Variants in SYT9 observed in about 807,000 individuals in gnomAD.
SYT9 encodes the protein synaptotagmin 9, also known as synaptotagmin-9.
In SYT9, 22 loss-of-function variants were observed where a neutral mutation model predicts 48.4. The observed-to-expected ratio is 0.45, with a 90% CI of 0.32 to 0.65. The LOEUF (loss-of-function observed/expected upper bound fraction) is 0.65, where lower values mean the gene tolerates loss of function less well. SYT9 is among the 30% of genes least tolerant of loss of function. SYT9 has a pLI of 0.03. For missense variants in SYT9, 577 were observed against 622.0 expected (o/e 0.93, Z 0.77); for synonymous variants, 265 against 245.0 (o/e 1.08, Z -0.76).
At chr11:7,361,676 A>G (rs1247413946) in intron 3 of SYT9, among the ~76,000 whole-genome samples, 1 of 152,198 alleles carries the variant, frequency 6.6e-6, no homozygotes, top group Non-Finnish European at 1.5e-5. Context: ...TCTGGCAAAT[A>G]TATGCTGGTT....
intron 1 of SYT9, among the ~76,000 whole-genome samples, chr11:7,283,874 G>T (rs549291074): frequency 6.6e-6 from 1 of 152,144 alleles, no homozygotes; most frequent in African/African-American, 2.4e-5. Flanking sequence ...TTGTAATTTT[G>T]TAAAAAAATT....
intron 3 of SYT9, among the ~76,000 whole-genome samples, chr11:7,336,582 T>A (rs1425014492): frequency 4.6e-5 from 7 of 152,194 alleles, no homozygotes; most frequent in African/African-American, 1.7e-4. Context: ...CCCAGCACCA[T>A]TTATTGAATA....
At chr11:7,296,182 A>G (rs1316000058) in intron 1 of SYT9, among the ~76,000 whole-genome samples, 3 of 152,204 alleles carry the variant, frequency 2.0e-5, no homozygotes, top group African/African-American at 7.2e-5. Flanking sequence ...GATAGGTACT[A>G]TTATTATCCC....
chr11:7,248,228 CT>C (rs1847818727), upstream of SYT9, among the ~76,000 whole-genome samples: 1 of 150,716 alleles, frequency 6.6e-6, no homozygotes, highest in Admixed American at 6.6e-5. Context: ...GATATTAGTC[CT>C]TTGTCAGATG....
chr11:7,251,685 G>A (rs1051658878), upstream of SYT9, among the ~76,000 whole-genome samples: 1 of 152,186 alleles, frequency 6.6e-6, no homozygotes, highest in Non-Finnish European at 1.5e-5. Context: ...GTGGAGTAGC[G>A]AAAGCGCCCG....
At chr11:7,337,486 T>C (rs1202142665) in intron 3 of SYT9, among the ~76,000 whole-genome samples, 1 of 152,196 alleles carries the variant, frequency 6.6e-6, no homozygotes, top group African/African-American at 2.4e-5. Flanking sequence ...TTCAGTATTA[T>C]GTTGCCTGTG....
At chr11:7,424,134 G>T (rs964529062) in intron 6 of SYT9, among the ~76,000 whole-genome samples, 2 of 152,174 alleles carry the variant, frequency 1.3e-5, no homozygotes, top group African/African-American at 4.8e-5. Context: ...CCTGCTCAGG[G>T]TTGCATCCAA....
At chr11:7,440,720 T>C (rs1024087575) in intron 6 of SYT9, 2 of 152,214 alleles carry the variant, frequency 1.3e-5, no homozygotes, top group African/African-American at 4.8e-5. Flanking sequence ...CTTACAAGAA[T>C]AGGTTGATAT....
intron 3 of SYT9, among the ~76,000 whole-genome samples, chr11:7,370,709 G>A (rs913355107): frequency 6.6e-6 from 1 of 152,094 alleles, no homozygotes; most frequent in African/African-American, 2.4e-5. Context: ...TGAAGAATAA[G>A]CCTCAAAAAT....
chr11:7,318,459 GC>G (rs1849280084), intron 3 of SYT9, among the ~76,000 whole-genome samples: 1 of 151,896 alleles, frequency 6.6e-6, no homozygotes, highest in Non-Finnish European at 1.5e-5. Context: ...AATTACGGGC[GC>G]CCACTACCAC....
chr11:7,301,514 A>C (rs1451692144), intron 1 of SYT9, among the ~76,000 whole-genome samples: 1 of 152,218 alleles, frequency 6.6e-6, no homozygotes, highest in Non-Finnish European at 1.5e-5. Context: ...GTATGTTGGC[A>C]GTGCTGTGCA....
At chr11:7,431,838 G>A (rs1847579130) in intron 6 of SYT9, among the ~76,000 whole-genome samples, 1 of 152,266 alleles carries the variant, frequency 6.6e-6, no homozygotes, top group Admixed American at 6.5e-5. Context: ...GTGGGTACCA[G>A]AGTGAAGGTT....
intron 2 of SYT9, among the ~76,000 whole-genome samples, chr11:7,307,088 C>T (rs1849046958): frequency 6.6e-6 from 1 of 152,208 alleles, no homozygotes; most frequent in South Asian, 2.1e-4. Flanking sequence ...TCCCAGGTCT[C>T]ACATTCATTA....
At chr11:7,394,262 T>A (rs190849954) in intron 3 of SYT9, among the ~76,000 whole-genome samples, 1 of 152,310 alleles carries the variant, frequency 6.6e-6, no homozygotes, top group African/African-American at 2.4e-5. Context: ...GTTTCCAGCT[T>A]CATCCATGTC....
intron 6 of SYT9, among the ~76,000 whole-genome samples, chr11:7,461,642 G>C (rs1241405631): frequency 3.3e-5 from 5 of 152,210 alleles, no homozygotes; most frequent in Non-Finnish European, 7.3e-5. Context: ...CAAAGTGCTG[G>C]GATTACAGGC....
chr11:7,340,561 C>T (rs1052987625), intron 3 of SYT9, among the ~76,000 whole-genome samples: 3 of 152,180 alleles, frequency 2.0e-5, no homozygotes, highest in African/African-American at 7.2e-5. Flanking sequence ...GTGCTAGAGT[C>T]TGAGATCAGG....
intron 2 of SYT9, among the ~76,000 whole-genome samples, chr11:7,307,798 TAG>T (rs1849059664): frequency 6.6e-6 from 1 of 152,228 alleles, no homozygotes; most frequent in African/African-American, 2.4e-5. Flanking sequence ...TGAGCTACTG[TAG>T]AGAAAGTTTT....
In SYT9 at chr11:7,252,210, C is replaced by G; in HGVS notation, c.24C>G (p.Leu8=). MPGARDA[L]CHQALQLLAE... is the part of the protein sequence containing the mutation. ...CGATGCCCGGGGCCAGGGACGCGCT[C>G]TGTCACCAGGCGCTGCAGCTGCTGG... The change falls in exon 1 of 7, where the codon CTC becomes CTG. Residue 8 remains leucine, a synonymous_variant. Coordinates refer to ENST00000318881, the MANE Select transcript of SYT9 (RefSeq NM_175733.4). The surrounding 1 kb of genome is among the most constrained non-coding windows in gnomAD (Gnocchi z 6.3). 5 of 1,477,528 alleles carry G rather than the reference C, an allele frequency of 3.4e-6. No individual in the cohort carries two copies. The highest frequency in any genetic ancestry group is 4.5e-6 in the Non-Finnish European group (5 of 1,115,038). 91.5% of individuals were successfully genotyped at this position (1,477,528 alleles called of 1,614,324 possible). A position where few individuals can be genotyped will look rare whatever the true frequency, so the allele number is the denominator to read the frequency against.
chr11:7,338,815 A>G (rs1849669760), intron 3 of SYT9, among the ~76,000 whole-genome samples: 1 of 152,010 alleles, frequency 6.6e-6, no homozygotes, highest in Non-Finnish European at 1.5e-5. Context: ...AAGAATATAT[A>G]TTCTGTTTTT....
Sources: allele counts gnomAD v4.1 joint callset (sites outside exome capture counted in the v4.1 genomes callset), GRCh38; gene constraint gnomAD v4.1.1; non-coding constraint Gnocchi (gnomAD v3.1); transcripts MANE v1.5; gene names NCBI Gene and HGNC (gene_info 2026-07-23, HGNC 2026-07-21).